Variants in KIAA0753 observed in about 807,000 individuals in gnomAD.
The protein encoded by KIAA0753 is KIAA0753, also known as protein moonraker.
Under a neutral mutation model 116.9 loss-of-function variants are expected in KIAA0753, and 114 were observed. That is an observed-to-expected ratio of 0.98 (90% confidence interval 0.84 to 1.14). The LOEUF (loss-of-function observed/expected upper bound fraction) is 1.14, where lower values mean the gene tolerates loss of function less well. Ranked by LOEUF, KIAA0753 falls within the 50% of genes most tolerant of loss-of-function variation. KIAA0753 has a pLI of 0.00. For missense variants in KIAA0753, 1,156 were observed against 1,172.4 expected (o/e 0.99, Z 0.20); for synonymous variants, 405 against 413.1 (o/e 0.98, Z 0.24).
chr17:6,609,002 A>G (rs907884431), intron 9 of KIAA0753, among the ~76,000 whole-genome samples: 1 of 152,242 alleles, frequency 6.6e-6, no homozygotes, highest in Non-Finnish European at 1.5e-5. Context: ...ATAGAGTAAT[A>G]AAAACAAAAA....
At chr17:6,625,620 T>G (rs1333706453) in intron 3 of KIAA0753, among the ~76,000 whole-genome samples, 1 of 151,654 alleles carries the variant, frequency 6.6e-6, no homozygotes, top group African/African-American at 2.4e-5. Context: ...TGAGCTGAGA[T>G]CGCACCACTA....
chr17:6,610,418 T>C (rs1163278964), intron 8 of KIAA0753, among the ~76,000 whole-genome samples: 1 of 151,460 alleles, frequency 6.6e-6, no homozygotes, highest in African/African-American at 2.4e-5. Context: ...AAACAATATA[T>C]AAAATATATT....
In KIAA0753 at chr17:6,590,496, T is replaced by C; in HGVS notation, c.2561+14A>G. 1.9e-6 allele frequency: 3 copies of C among 1,613,450 alleles called. No individual in the cohort carries two copies. In the South Asian group the frequency reaches 3.3e-5, roughly 18 times the overall value. ...CTGACTAGAATGAAATCAGAAAGTG[T>C]CTTTGCCACTTACTTGCCATTACAG... On this transcript the variant is annotated intron_variant, in intron 17 of 18. Transcript: ENST00000361413.
At chr17:6,602,302 A>G (rs887962723) in intron 12 of KIAA0753, among the ~76,000 whole-genome samples, 2 of 152,248 alleles carry the variant, frequency 1.3e-5, no homozygotes, top group African/African-American at 4.8e-5. Flanking sequence ...TATTTCTACA[A>G]AAAGCCTTGT....
intron 18 of KIAA0753, 126 bp from the exon 19 acceptor site, chr17:6,579,990 C>T: frequency 1.5e-6 from 1 of 650,128 alleles, no homozygotes; most frequent in South Asian, 1.7e-5. Context: ...TGAGACCAGC[C>T]TGGCCAACAT....
chr17:6,621,686 TTC>T, intron 6 of KIAA0753, among the ~76,000 whole-genome samples: 1 of 152,332 alleles, frequency 6.6e-6, no homozygotes, highest in East Asian at 1.9e-4. Flanking sequence ...GAGATAAACA[TTC>T]TGTTTAAGAA....
intron 4 of KIAA0753, 154 bp from the exon 5 acceptor site, chr17:6,623,725 CA>C: frequency 2.8e-6 from 3 of 1,078,078 alleles, no homozygotes; most frequent in South Asian, 1.9e-5. Context: ...TTCATGCACC[CA>C]AAAAACAGTT....
chr17:6,640,287 C>CGGG, intron 1 of KIAA0753: 1 of 152,746 alleles, frequency 6.5e-6, no homozygotes, highest in Non-Finnish European at 1.5e-5. Flanking sequence ...GCAGCCTGGG[C>CGGG]AAGGCCCCAC....
chr17:6,609,974 TC>T lies in KIAA0753; in HGVS notation c.1712+19del. 6.2e-7 allele frequency: 1 copy of T among 1,613,180 alleles called. No homozygotes were observed. Among genetic ancestry groups the T allele is most frequent in the Admixed American group, 1.7e-5 (1 of 59,994 alleles). ...AAAAGAGCATCACATACACAAACGG[TC>T]CCTTGAGTTTTCACATACCATTTAG... is the stretch of plus-strand genomic sequence containing the variant. On this transcript the variant is annotated intron_variant, in intron 9 of 18. Coordinates refer to ENST00000361413, the MANE Select transcript of KIAA0753 (RefSeq NM_014804.3).
rs763561496 is a variant in KIAA0753 at position 6,607,107 on chromosome 17, T to A, written c.1919+74A>T. On this transcript the variant is annotated intron_variant, in intron 11 of 18. Coordinates refer to ENST00000361413, the MANE Select transcript of KIAA0753 (RefSeq NM_014804.3). ...GAAGTGTAGCTAGACCTAAATAATC[T>A]CTATTTATCATTAATGTATAGAGAT... The A allele has an allele frequency of 1.2e-4, 166 of 1,415,484 alleles. No homozygotes were observed. The Middle Eastern group carries it at 1.2e-3, about 11-fold the overall frequency. The allele number at this position is 1,415,484 out of a possible 1,614,324, so 87.7% of individuals were successfully genotyped here. A position where few individuals can be genotyped will look rare whatever the true frequency, so the allele number is the denominator to read the frequency against.
chr17:6,586,896 T>C (rs993440635), intron 18 of KIAA0753, among the ~76,000 whole-genome samples: 1 of 152,212 alleles, frequency 6.6e-6, no homozygotes, highest in Non-Finnish European at 1.5e-5. Context: ...TGGATGCTTT[T>C]TAAAGATCTG....
Position 6,600,380 on chromosome 17 carries a change from C to T in KIAA0753, c.2088G>A (p.Gln696=), listed in dbSNP as rs959800010. Residue 696 remains glutamine (Q), a splice_region_variant and synonymous_variant, in exon 13 of 19, where the codon CAG becomes CAA. Coordinates refer to ENST00000361413, the MANE Select transcript of KIAA0753 (RefSeq NM_014804.3). ...DRLKPLLVKA[Q]RVNSTTEANI... ...AAATGAAACGAACTAGATAGATTAC[C>T]TGGGCCTTGACCAAGAGAGGCTTCA... 5.6e-6 allele frequency: 9 copies of T among 1,612,650 alleles called. No individual in the cohort carries two copies. The highest frequency in any genetic ancestry group is 7.6e-6 in the Non-Finnish European group (9 of 1,178,788).
chr17:6,626,737 GCTA>G (rs1353772506), intron 3 of KIAA0753, among the ~76,000 whole-genome samples: 2 of 152,140 alleles, frequency 1.3e-5, no homozygotes, highest in Non-Finnish European at 2.9e-5. Context: ...GCAGTTTGCC[GCTA>G]CTGTGACATT....
rs1970573236 is a variant in KIAA0753 at position 6,611,917 on chromosome 17, A to C, written c.1545+2T>G. 2 of 1,611,654 alleles carry C rather than the reference A, an allele frequency of 1.2e-6. No homozygotes were observed. Among genetic ancestry groups the C allele is most frequent in the Non-Finnish European group, 1.7e-6 (2 of 1,178,086 alleles). On this transcript the variant is annotated splice_donor_variant, in intron 8 of 18. Coordinates refer to ENST00000361413, the MANE Select transcript of KIAA0753 (RefSeq NM_014804.3). LOFTEE classifies it high-confidence loss of function. Reference sequence around the variant, plus strand: ...GGCCAAAAGAGAGGAATGATTTCATACTTGCTGTCTTGCTGGCGCCAGAGT... The same window carrying C: ...GGCCAAAAGAGAGGAATGATTTCATCCTTGCTGTCTTGCTGGCGCCAGAGT...
At chr17:6,594,081 A>G (rs912035955) in intron 16 of KIAA0753, among the ~76,000 whole-genome samples, 1 of 152,234 alleles carries the variant, frequency 6.6e-6, no homozygotes, top group Non-Finnish European at 1.5e-5. Flanking sequence ...CAAGTTTGCT[A>G]TTAGGTATTT....
chr17:6,627,430 C>T (rs561782287), intron 3 of KIAA0753, among the ~76,000 whole-genome samples: 10 of 152,238 alleles, frequency 6.6e-5, no homozygotes, highest in South Asian at 6.2e-4. Context: ...CCTAGTGCAA[C>T]GGTTTCTTTT....
intron 14 of KIAA0753, among the ~76,000 whole-genome samples, chr17:6,597,769 T>G (rs1479428121): frequency 2.0e-5 from 3 of 152,192 alleles, no homozygotes; most frequent in Non-Finnish European, 2.9e-5. Context: ...AGAGCTGTAT[T>G]TTACTTGCAA....
At chr17:6,611,562 G>A (rs1248832598) in intron 8 of KIAA0753, among the ~76,000 whole-genome samples, 1 of 152,044 alleles carries the variant, frequency 6.6e-6, no homozygotes, top group Non-Finnish European at 1.5e-5. Context: ...AAATTGCTGG[G>A]ATTATAGGCC....
At chr17:6,614,507 TGG>T (rs34769605) in intron 7 of KIAA0753, among the ~76,000 whole-genome samples, 10 of 147,302 alleles carry the variant, frequency 6.8e-5, no homozygotes, top group East Asian at 2.0e-4. Flanking sequence ...CAAGCATAAG[TGG>T]GGGGGGGTAA....
Sources: gnomAD v4.1 joint callset for allele counts (sites outside exome capture counted in the v4.1 genomes callset) on GRCh38, gnomAD v4.1.1 for gene constraint, MANE v1.5 for transcripts, NCBI Gene and HGNC (gene_info 2026-07-23, HGNC 2026-07-21) for gene names.